The following SUSD1 variants were observed in gnomAD, a reference collection of about 807,000 sequenced individuals.
SUSD1 encodes the protein sushi domain-containing protein 1.
A neutral mutation model predicts 86.9 loss-of-function variants in SUSD1; 65 were observed. The ratio of observed to expected loss-of-function variants is 0.75; its 90% CI spans 0.61 to 0.92. The LOEUF (loss-of-function observed/expected upper bound fraction) is 0.92, where lower values mean the gene tolerates loss of function less well. Among genes scored for constraint, SUSD1 ranks in the 40% least tolerant of loss-of-function variants. SUSD1 has a pLI of 0.00. For synonymous variants in SUSD1, 346 were observed against 350.0 expected, an observed-to-expected ratio of 0.99 and a Z score of 0.13; for missense variants, 850 against 929.7, an observed-to-expected ratio of 0.91 and a Z score of 1.11.
At position 112,041,159 on chromosome 9, in the gene SUSD1, A is replaced by T. The variant is rs1435201537; in HGVS notation, c.*333T>A. ...TGTCTAGAGGAGCTGACCCTCAGGCATCACTCAGAGGAAGTCCCAGCCAAG... is the reference window on the plus strand; with the variant it reads ...TGTCTAGAGGAGCTGACCCTCAGGCTTCACTCAGAGGAAGTCCCAGCCAAG... On this transcript the variant is annotated 3_prime_UTR_variant, in exon 17 of 17. Coordinates refer to ENST00000374270, the MANE Select transcript of SUSD1 (RefSeq NM_022486.5). The T allele has an allele frequency of 1.8e-5, 9 of 487,168 alleles. No individual in the cohort carries two copies. In the South Asian group the frequency reaches 3.4e-4, roughly 19 times the overall value. 30.2% of individuals were successfully genotyped at this position (487,168 alleles called of 1,614,324 possible).
At chr9:112,059,644 T>C (rs1828623253) in intron 13 of SUSD1, among the ~76,000 whole-genome samples, 1 of 152,232 alleles carries the variant, frequency 6.6e-6, no homozygotes, top group Non-Finnish European at 1.5e-5. Flanking sequence ...CTGTAAAAAC[T>C]GTTCCCCAAT....
intron 6 of SUSD1, 106 bp downstream of exon 6, chr9:112,124,151 C>G (rs1831664896): frequency 9.0e-7 from 1 of 1,113,086 alleles, no homozygotes; most frequent in Non-Finnish European, 1.2e-6. Context: ...AATAGCCGAG[C>G]TGGGTACAGT....
intron 1 of SUSD1, among the ~76,000 whole-genome samples, chr9:112,165,940 AAG>A (rs1491443885): frequency 9.5e-5 from 10 of 105,440 alleles, no homozygotes; most frequent in African/African-American, 3.9e-4. Flanking sequence ...GAAAGAAAGA[AAG>A]AAGAAAGAAA....
chr9:112,141,825 G>A (rs1319680171), intron 5 of SUSD1, among the ~76,000 whole-genome samples: 1 of 138,932 alleles, frequency 7.2e-6, no homozygotes, highest in Non-Finnish European at 1.5e-5. Flanking sequence ...TATAATATAT[G>A]TTATTCCCAC....
At chr9:112,154,403 A>G (rs1031569534) in intron 2 of SUSD1, among the ~76,000 whole-genome samples, 2 of 151,870 alleles carry the variant, frequency 1.3e-5, no homozygotes, top group Non-Finnish European at 2.9e-5. Context: ...AGTCCCAGAT[A>G]CTCAGGAGCT....
At chr9:112,117,314 G>A (rs1438999473) in intron 6 of SUSD1, among the ~76,000 whole-genome samples, 10 of 152,154 alleles carry the variant, frequency 6.6e-5, no homozygotes, top group African/African-American at 1.2e-4. Context: ...GAGTGCCCAC[G>A]GCATCAGGAT....
At chr9:112,118,914 GTTGT>G (rs1444262002) in intron 6 of SUSD1, among the ~76,000 whole-genome samples, 2 of 152,120 alleles carry the variant, frequency 1.3e-5, no homozygotes, top group Non-Finnish European at 2.9e-5. Context: ...TTAAGGTTAG[GTTGT>G]TTAAGGAAAC....
At chr9:112,089,840 A>G (rs1274490851) in intron 10 of SUSD1, among the ~76,000 whole-genome samples, 3 of 151,674 alleles carry the variant, frequency 2.0e-5, no homozygotes. Context: ...AAAGAAAAGA[A>G]AAGAAAAGAA....
chr9:112,046,471 TC>T (rs141251264), intron 15 of SUSD1, among the ~76,000 whole-genome samples: 2,155 of 152,262 alleles, frequency 0.014, 52 homozygotes, highest in African/African-American at 0.049. Context: ...TTATGGTGGC[TC>T]CCTCAAGAGA....
chr9:112,111,902 G>A (rs1831117205), intron 7 of SUSD1, 62 bp from the exon 8 acceptor site: 1 of 1,543,856 alleles, frequency 6.5e-7, no homozygotes, highest in African/African-American at 1.4e-5. Flanking sequence ...CAGGATTTGT[G>A]GTGCTGGAGC....
At chr9:112,126,188 G>A (rs1831765691) in intron 5 of SUSD1, among the ~76,000 whole-genome samples, 1 of 152,170 alleles carries the variant, frequency 6.6e-6, no homozygotes, top group African/African-American at 2.4e-5. Flanking sequence ...TCTAATTTAA[G>A]ACAGAGTTCA....
intron 2 of SUSD1, among the ~76,000 whole-genome samples, chr9:112,155,719 T>C (rs1833269888): frequency 6.6e-6 from 1 of 151,720 alleles, no homozygotes; most frequent in Admixed American, 6.6e-5. Context: ...CCCAGCACTT[T>C]AGGAAGCTGA....
At position 112,041,272 on chromosome 9, in the gene SUSD1, G is replaced by A. The variant is rs922735718; in HGVS notation, c.*220C>T. The A allele has an allele frequency of 2.8e-5, 17 of 617,762 alleles. No individual in the cohort carries two copies. The highest frequency in any genetic ancestry group is 4.9e-5 in the Non-Finnish European group (17 of 346,960). The allele number at this position is 617,762 out of a possible 1,614,324, so 38.3% of individuals were successfully genotyped here. Reference sequence around the variant, plus strand: ...ATTGCACAGAACTGGTCCTGTAGCAGGGAAGACTCAGAATTCCTGAGTTTT... The same window carrying A: ...ATTGCACAGAACTGGTCCTGTAGCAAGGAAGACTCAGAATTCCTGAGTTTT... On this transcript the variant is annotated 3_prime_UTR_variant, in exon 17 of 17. Transcript: ENST00000374270.
chr9:112,055,863 G>C (rs1174886304), intron 14 of SUSD1, among the ~76,000 whole-genome samples: 3 of 152,212 alleles, frequency 2.0e-5, no homozygotes, highest in African/African-American at 7.2e-5. Context: ...CACAACATGG[G>C]TGAACCTAGA....
In SUSD1 at chr9:112,157,486, A is replaced by G. The variant is rs766711896; in HGVS notation, c.217+14T>C. 22 of 1,576,560 alleles carry G rather than the reference A, an allele frequency of 1.4e-5. No homozygotes were observed. The African/African-American group carries it at 2.2e-4, about 15-fold the overall frequency. On this transcript the variant is annotated intron_variant, in intron 2 of 16. Coordinates refer to ENST00000374270, the MANE Select transcript of SUSD1 (RefSeq NM_022486.5). ...GATTCAGCTTTTCAACTTAACCCAGAGTTCAGAACTTACCAACACACTGAG... is the reference window on the plus strand; with the variant it reads ...GATTCAGCTTTTCAACTTAACCCAGGGTTCAGAACTTACCAACACACTGAG...
chr9:112,103,070 G>A (rs1830694247), intron 8 of SUSD1: 2 of 404,442 alleles, frequency 4.9e-6, no homozygotes, highest in South Asian at 3.8e-5. Context: ...AAGACTGCAT[G>A]TTTTCTACCA....
At chr9:112,072,158 T>G (rs7026352) in intron 12 of SUSD1, among the ~76,000 whole-genome samples, 4 of 111,532 alleles carry the variant, frequency 3.6e-5, no homozygotes, top group South Asian at 6.5e-4. Context: ...TTTTTTTTTG[T>G]TTTTTTTTTT....
intron 10 of SUSD1, among the ~76,000 whole-genome samples, chr9:112,091,584 A>T (rs1289424078): frequency 6.6e-6 from 1 of 152,230 alleles, no homozygotes; most frequent in Non-Finnish European, 1.5e-5. Context: ...TACATAAATA[A>T]TAGCGGTATT....
At chr9:112,058,237 G>T (rs1828538602) in intron 14 of SUSD1, among the ~76,000 whole-genome samples, 191 bp downstream of exon 14, 1 of 152,220 alleles carries the variant, frequency 6.6e-6, no homozygotes, top group East Asian at 1.9e-4. Context: ...AGGTCCCCAG[G>T]TGGTTCAGAA....
Sources: allele counts gnomAD v4.1 joint callset (sites outside exome capture counted in the v4.1 genomes callset), GRCh38; gene constraint gnomAD v4.1.1; transcripts MANE v1.5; gene names NCBI Gene and HGNC (gene_info 2026-07-23, HGNC 2026-07-21).